MED12L: variants seen among roughly 807,000 people sequenced by gnomAD.
The protein encoded by MED12L is mediator complex subunit 12L, also known as mediator of RNA polymerase II transcription subunit 12-like protein.
MED12L carries 60 observed loss-of-function variants against 281.3 expected under a neutral mutation model. The ratio of observed to expected loss-of-function variants is 0.21; its 90% CI spans 0.17 to 0.26. MED12L has a LOEUF of 0.26. Among genes scored for constraint, MED12L ranks in the 10% least tolerant of loss-of-function variants. MED12L has a pLI of 1.00. For missense variants in MED12L, 2,146 were observed against 2,680.9 expected, an observed-to-expected ratio of 0.80 and a Z score of 4.41; for synonymous variants, 974 against 987.2, an observed-to-expected ratio of 0.99 and a Z score of 0.25.
At chr3:151,343,997 T>C (rs1752229368) in intron 16 of MED12L, among the ~76,000 whole-genome samples, 1 of 152,212 alleles carries the variant, frequency 6.6e-6, no homozygotes, top group South Asian at 2.1e-4. Flanking sequence ...CATAGTCATG[T>C]CTGCTAGCTT....
chr3:151,208,737 A>C (rs1175975697), intron 16 of MED12L, among the ~76,000 whole-genome samples: 2 of 152,160 alleles, frequency 1.3e-5, no homozygotes, highest in Admixed American at 6.5e-5. Flanking sequence ...TATGGATATG[A>C]TGAGGGCCAT....
chr3:151,421,577 ATTTTTGTATTTTT>A (rs1718253047), intron 43 of MED12L, among the ~76,000 whole-genome samples: 1 of 151,824 alleles, frequency 6.6e-6, no homozygotes, highest in Admixed American at 6.6e-5. Flanking sequence ...CACTAGGCTA[ATTTTTGTATTTTT>A]AGTAGAGATG....
chr3:151,148,695 T>TA (rs151189124), intron 5 of MED12L, among the ~76,000 whole-genome samples: 2 of 152,146 alleles, frequency 1.3e-5, no homozygotes, highest in East Asian at 1.9e-4. Context: ...GTTGGAGTTT[T>TA]AAAAAAAACA....
rs182601366 is a variant in MED12L, at chr3:151,186,143, A to C, written c.1626+682A>C. On this transcript the variant is annotated intron_variant, in intron 12 of 44. Transcript: ENST00000687756. Reference sequence around the variant, plus strand: ...GCAATTAAAGCCTTGGAAGTAAATTATAAGGGAAAAAGCAAAACTAAGTTC... The same window carrying C: ...GCAATTAAAGCCTTGGAAGTAAATTCTAAGGGAAAAAGCAAAACTAAGTTC... Among the ~76,000 whole-genome samples, 15 of 152,326 alleles carry C rather than the reference A, an allele frequency of 9.8e-5. No homozygotes were observed. The East Asian group carries it at 2.7e-3, about 27-fold the overall frequency.
intron 5 of MED12L, among the ~76,000 whole-genome samples, chr3:151,146,314 T>G (rs1717753943): frequency 6.6e-6 from 1 of 152,200 alleles, no homozygotes; most frequent in Non-Finnish European, 1.5e-5. Context: ...TGTCACACGC[T>G]GCCATTTCTG....
At chr3:151,213,769 C>T (rs757577979) in intron 16 of MED12L, 6 of 1,614,144 alleles carry the variant, frequency 3.7e-6, no homozygotes, top group Non-Finnish European at 5.1e-6. Flanking sequence ...TGCTTTGTGC[C>T]ACTTCCGTCC....
rs1211963269 is a variant in MED12L, at chr3:151,085,744, G to A, written c.-322G>A. 2.6e-5 allele frequency: 4 copies of A among 152,062 alleles called. No homozygotes were observed. Among genetic ancestry groups the A allele is most frequent in the Non-Finnish European group, 4.4e-5 (3 of 67,992 alleles). 9.4% of individuals were successfully genotyped at this position (152,062 alleles called of 1,614,324 possible). ...GGCCGTGGGGGCGAGAACGCCGGCG[G>A]CGAGCCGGCGTCGCTCGCCGCCCCC... On this transcript the variant is annotated 5_prime_UTR_variant, in exon 1 of 45. Coordinates refer to ENST00000687756, the MANE Select transcript of MED12L (RefSeq NM_001393769.1).
rs765652830 is a variant in MED12L at position 151,159,864 on chromosome 3, G to C, written c.870G>C (p.Leu290=). ...YSDEFVQSAY[L]SRRLAYFCAR... ...ATGAGTTTGTTCAGTCGGCCTACCT[G>C]TCTCGTCGTCTTGCCTACTTTTGTG... The change falls in exon 8 of 45, where the codon CTG becomes CTC. Residue 290 remains leucine (L), a synonymous_variant. Coordinates refer to ENST00000687756, the MANE Select transcript of MED12L (RefSeq NM_001393769.1). The C allele has an allele frequency of 6.2e-7, 1 of 1,614,206 alleles. No homozygotes were observed. The highest frequency in any genetic ancestry group is 2.2e-5 in the East Asian group (1 of 44,892).
Position 151,166,001 on chromosome 3 carries a change from A to G in MED12L, c.1494+19A>G, listed in dbSNP as rs1720667206. The G allele has an allele frequency of 1.3e-6, 2 of 1,581,464 alleles. No individual in the cohort carries two copies. Among genetic ancestry groups the G allele is most frequent in the East Asian group, 2.2e-5 (1 of 44,720 alleles). On this transcript the variant is annotated intron_variant, in intron 11 of 44. Transcript: ENST00000687756. ...CCAAGAGGTAGTTAATTTTTTTTTA[A>G]TTCTTTTCACCTTTTATTTTCATAG...
chr3:151,115,784 G>A (rs1347990526), intron 2 of MED12L, among the ~76,000 whole-genome samples: 1 of 151,888 alleles, frequency 6.6e-6, no homozygotes, highest in Non-Finnish European at 1.5e-5. Flanking sequence ...TGGGCCAGGT[G>A]GGGTGGCTTA....
At chr3:151,324,954 T>C (rs1264480250) in intron 16 of MED12L, among the ~76,000 whole-genome samples, 1 of 152,240 alleles carries the variant, frequency 6.6e-6, no homozygotes, top group Non-Finnish European at 1.5e-5. Flanking sequence ...TGGGTTTTTT[T>C]GCTCTGGATA....
At chr3:151,147,282 G>A (rs1717872856) in intron 5 of MED12L, among the ~76,000 whole-genome samples, 1 of 152,032 alleles carries the variant, frequency 6.6e-6, no homozygotes, top group South Asian at 2.1e-4. Context: ...TTTACTTCAT[G>A]AAGAAATAAT....
intron 2 of MED12L, 107 bp downstream of exon 2, chr3:151,087,132 G>A: frequency 2.2e-6 from 2 of 896,990 alleles, no homozygotes; most frequent in Non-Finnish European, 3.3e-6. Flanking sequence ...GGAAGAGGTC[G>A]GGGAGGGGGA....
chr3:151,298,044 C>G (rs1745339744), intron 16 of MED12L, among the ~76,000 whole-genome samples: 1 of 152,184 alleles, frequency 6.6e-6, no homozygotes, highest in Non-Finnish European at 1.5e-5. Flanking sequence ...CATTACTCAT[C>G]TGGTTGCTCT....
Position 151,192,638 on chromosome 3 carries a change from T to G in MED12L, c.2057T>G (p.Phe686Cys). 1 of 1,535,432 alleles carries G rather than the reference T, an allele frequency of 6.5e-7. No individual in the cohort carries two copies. Among genetic ancestry groups the G allele is most frequent in the Non-Finnish European group, 8.7e-7 (1 of 1,145,902 alleles). Residue 686 changes from phenylalanine (F) to cysteine (C), a missense_variant, in exon 15 of 45, where the codon TTT becomes TGT. This residue lies in a region of MED12L where 722 missense variants were observed against 861.2 expected (regional missense o/e 0.84). Transcript: ENST00000687756. ...GACAAGAGTGACTTTAAAACTGACT[T>G]TGGTTCGGAATTTCCAGTAGGTTCA... ...EVDKSDFKTDFGSEFPIFSPM... is the reference protein window; with the variant it reads ...EVDKSDFKTDCGSEFPIFSPM...
At chr3:151,087,952 C>G (rs1356519787) in intron 2 of MED12L, among the ~76,000 whole-genome samples, 5 of 151,918 alleles carry the variant, frequency 3.3e-5, no homozygotes, top group African/African-American at 1.2e-4. Flanking sequence ...CTGCAGTCCA[C>G]CCATCTTCTG....
In MED12L at chr3:151,365,964, G is replaced by A; in HGVS notation, c.3300G>A (p.Gly1100=). The A allele has an allele frequency of 1.2e-6, 2 of 1,611,554 alleles. No homozygotes were observed. Among genetic ancestry groups the A allele is most frequent in the Non-Finnish European group, 1.7e-6 (2 of 1,178,550 alleles). ...GTTGTTCTTCAAATCACGTGTGGGG[G>A]TTTAATGATGTACTTTGCACTGTAG... ...ALCCSSNHVW[G]FNDVLCTVDV... The change falls in exon 23 of 45, where the codon GGG becomes GGA. Residue 1100 remains glycine, a synonymous_variant. Transcript: ENST00000687756.
At chr3:151,387,655 G>A (rs947578860) in intron 36 of MED12L, among the ~76,000 whole-genome samples, 155 bp from the exon 37 acceptor site, 1 of 152,100 alleles carries the variant, frequency 6.6e-6, no homozygotes, top group Admixed American at 6.5e-5. Flanking sequence ...ACTGCTCTCC[G>A]GTGATGTAGC....
intron 39 of MED12L, among the ~76,000 whole-genome samples, chr3:151,404,970 G>C (rs541088952): frequency 2.6e-5 from 4 of 152,298 alleles, no homozygotes; most frequent in African/African-American, 9.6e-5. Flanking sequence ...TGAAAATTAT[G>C]TTCGAGGATC....
Sources: allele counts gnomAD v4.1 joint callset (sites outside exome capture counted in the v4.1 genomes callset), GRCh38; gene constraint gnomAD v4.1.1; regional missense constraint gnomAD v4.1.1; transcripts MANE v1.5; gene names NCBI Gene and HGNC (gene_info 2026-07-23, HGNC 2026-07-21).